Variants in AP1G2 observed in about 807,000 individuals in gnomAD.
AP1G2 encodes the protein AP-1 complex subunit gamma-like 2.
Under a neutral mutation model 95.8 loss-of-function variants are expected in AP1G2, and 85 were observed. The observed-to-expected ratio is 0.89, with a 90% CI of 0.74 to 1.06. The LOEUF is 1.06. Among genes scored for constraint, AP1G2 ranks in the 50% least tolerant of loss-of-function variants. The probability of loss-of-function intolerance (pLI) is 0.00; values close to 1 mark genes in which losing one functional copy is unlikely to be tolerated. For synonymous variants in AP1G2, 378 were observed against 400.0 expected (o/e 0.94, Z 0.66); for missense variants, 967 against 1,005.8 (o/e 0.96, Z 0.52).
intron 19 of AP1G2, 85 bp from the exon 20 acceptor site, chr14:23,560,503 C>G (rs1883738772): frequency 7.2e-7 from 1 of 1,391,118 alleles, no homozygotes; most frequent in African/African-American, 1.4e-5. Context: ...TGAGTAAACA[C>G]CTACTGGCCC....
rs1244426180 is a variant in AP1G2, at chr14:23,567,067, C to T, written c.204+44G>A. On this transcript the variant is annotated intron_variant, in intron 2 of 21. Transcript: ENST00000397120. This position sits in a 1 kb window ranked among gnomAD's most constrained non-coding sequence, Gnocchi z 5.3. ...TGAGAGAGTCTGGGACTCTGCCCCACTAGCCTTCATCAAGCTCAGGAGGGA... is the reference window on the plus strand; with the variant it reads ...TGAGAGAGTCTGGGACTCTGCCCCATTAGCCTTCATCAAGCTCAGGAGGGA... The T allele has an allele frequency of 1.3e-6, 2 of 1,581,866 alleles. No homozygotes were observed. The highest frequency in any genetic ancestry group is 1.7e-6 in the Non-Finnish European group (2 of 1,164,934).
chr14:23,567,328 G>C lies in AP1G2; in HGVS notation c.-5-9C>G. The stretch of plus-strand genomic sequence containing the variant: ...AGGCACCACCATCCTGACTGGCAGA[G>C]TCCGGGAGTGGAGAAACACTCTCTG... On this transcript the variant is annotated splice_polypyrimidine_tract_variant and intron_variant, in intron 1 of 21. Transcript: ENST00000397120. This position sits in a 1 kb window ranked among gnomAD's most constrained non-coding sequence, Gnocchi z 5.3. 6.2e-7 allele frequency: 1 copy of C among 1,610,440 alleles called. No homozygotes were observed. Among genetic ancestry groups the C allele is most frequent in the Non-Finnish European group, 8.5e-7 (1 of 1,179,182 alleles).
chr14:23,561,578 CTCA>C lies in AP1G2; in HGVS notation c.1788_1790del (p.Asp596del), dbSNP rs777322413. ...CTGCTTCTTTGCTTTCCTTTGCTTC[CTCA>C]TCAGCCTGAGGGCCATCTCGCTCCA... On this transcript the variant is annotated inframe_deletion, in exon 18 of 22. Transcript: ENST00000397120. The C allele has an allele frequency of 6.2e-7, 1 of 1,614,162 alleles. No homozygotes were observed. Among genetic ancestry groups the C allele is most frequent in the Non-Finnish European group, 8.5e-7 (1 of 1,180,024 alleles).
Position 23,559,642 on chromosome 14 carries a change from C to T in AP1G2, c.*107G>A. 2 of 1,022,062 alleles carry T rather than the reference C, an allele frequency of 2.0e-6. No homozygotes were observed. Among genetic ancestry groups the T allele is most frequent in the South Asian group, 1.4e-5 (1 of 71,888 alleles). The allele number at this position is 1,022,062 out of a possible 1,614,324, so 63.3% of individuals were successfully genotyped here. ...GGGCTGGTCCCCAGTTTTTGCAGTG[C>T]AAAGCCAGAGCGCCACCTGCTGGTA... On this transcript the variant is annotated 3_prime_UTR_variant, in exon 22 of 22. Transcript: ENST00000397120.
Position 23,566,072 on chromosome 14 carries a change from C to G in AP1G2, c.560G>C (p.Arg187Pro). 2 of 1,614,162 alleles carry G rather than the reference C, an allele frequency of 1.2e-6. No individual in the cohort carries two copies. Among genetic ancestry groups the G allele is most frequent in the Non-Finnish European group, 1.7e-6 (2 of 1,180,026 alleles). Residue 187 changes from arginine to proline, a missense_variant, in exon 5 of 22, where the codon CGT (arginine) becomes CCT (proline). Coordinates refer to ENST00000397120, the MANE Select transcript of AP1G2 (RefSeq NM_003917.5). Reference sequence around the variant, plus strand: ...GGGCCCCACAGCCTTACCATGGTGACGCTCATGAAGCAGTTGGGCACAGGG... The same window carrying G: ...GGGCCCCACAGCCTTACCATGGTGAGGCTCATGAAGCAGTTGGGCACAGGG... ...LPPCAQLLHE[R>P]HHGILLGTIT...
chr14:23,563,804 T>C lies in AP1G2; in HGVS notation c.1144A>G (p.Met382Val), dbSNP rs764122397. The C allele has an allele frequency of 1.2e-6, 2 of 1,614,162 alleles. No homozygotes were observed. The highest frequency in any genetic ancestry group is 8.5e-7 in the Non-Finnish European group (1 of 1,180,012). ...AGAAAGGCCTGCAGCTCTTGCATCA[T>C]GGCTCGCACATTGGAGCTATTTACC... is the stretch of plus-strand genomic sequence containing the variant. Reference protein sequence around the residue: ...ALVNSSNVRAMMQELQAFLES... With the variant: ...ALVNSSNVRAVMQELQAFLES... Residue 382 changes from methionine (M) to valine (V), a missense_variant, in exon 12 of 22, where the codon ATG becomes GTG. Coordinates refer to ENST00000397120, the MANE Select transcript of AP1G2 (RefSeq NM_003917.5).
At position 23,563,921 on chromosome 14, in the gene AP1G2, C is replaced by T. The variant is rs1038175292; in HGVS notation, c.1092-65G>A. The T allele has an allele frequency of 5.6e-6, 9 of 1,600,484 alleles. No homozygotes were observed. The African/African-American group carries it at 1.2e-4, about 21-fold the overall frequency. Reference sequence around the variant, plus strand: ...CATCCTGGTCCATGCCTCAGGCCCTCTGCTTCCCCAGGGACCTGTCCCCCT... The same window carrying T: ...CATCCTGGTCCATGCCTCAGGCCCTTTGCTTCCCCAGGGACCTGTCCCCCT... On this transcript the variant is annotated intron_variant, in intron 11 of 21. Coordinates refer to ENST00000397120, the MANE Select transcript of AP1G2 (RefSeq NM_003917.5).
At chr14:23,562,709 C>G in intron 14 of AP1G2, 116 bp from the exon 15 acceptor site, 1 of 984,108 alleles carries the variant, frequency 1.0e-6, no homozygotes, top group Non-Finnish European at 1.5e-6. Flanking sequence ...TCAAGACCAG[C>G]CTGGGCAACA....
rs1414269713 is a variant in AP1G2, at chr14:23,559,687, A to G, written c.*62T>C. The stretch of plus-strand genomic sequence containing the variant: ...CTGGTAGCCCTCAGGTGTAGGTTCG[A>G]AGCTGCTGGGGCCCCCTGGGGTTTG... On this transcript the variant is annotated 3_prime_UTR_variant, in exon 22 of 22. Transcript: ENST00000397120. 33 of 1,527,136 alleles carry G rather than the reference A, an allele frequency of 2.2e-5. No individual in the cohort carries two copies. Among genetic ancestry groups the G allele is most frequent in the Non-Finnish European group, 2.9e-5 (32 of 1,109,330 alleles). The allele number at this position is 1,527,136 out of a possible 1,614,324, so 94.6% of individuals were successfully genotyped here.
chr14:23,562,734 C>G (rs1014575218), intron 14 of AP1G2, 141 bp from the exon 15 acceptor site: 6 of 742,222 alleles, frequency 8.1e-6, no homozygotes, highest in South Asian at 1.9e-5. Context: ...GAGACCCCCC[C>G]CATCTCTATT....
chr14:23,567,510 G>A lies in AP1G2; in HGVS notation c.-5-191C>T, dbSNP rs1888651844. The stretch of plus-strand genomic sequence containing the variant: ...CCCCACCGCCCGAGAAGCCCACTAC[G>A]CATGCGTCCGCACCCCACCGGCGCC... On this transcript the variant is annotated intron_variant, in intron 1 of 21. Coordinates refer to ENST00000397120, the MANE Select transcript of AP1G2 (RefSeq NM_003917.5). This position sits in a 1 kb window ranked among gnomAD's most constrained non-coding sequence, Gnocchi z 5.3. 5 of 1,377,698 alleles carry A rather than the reference G, an allele frequency of 3.6e-6. No homozygotes were observed. The South Asian group carries it at 7.0e-5, about 19-fold the overall frequency. The allele number at this position is 1,377,698 out of a possible 1,614,324, so 85.3% of individuals were successfully genotyped here. A position where few individuals can be genotyped will look rare whatever the true frequency, so the allele number is the denominator to read the frequency against.
At chr14:23,563,883 A>C (rs1886381885) in intron 11 of AP1G2, 27 bp from the exon 12 acceptor site, 8 of 1,609,510 alleles carry the variant, frequency 5.0e-6, no homozygotes, top group African/African-American at 2.7e-5. Flanking sequence ...GTTTCCATGC[A>C]GGTAGCCCAG....
chr14:23,563,414 C>T lies in AP1G2; in HGVS notation c.1376G>A (p.Arg459His), dbSNP rs747117877. ...AQELHAYSVRRLYNALAEDIS... is the reference protein window; with the variant it reads ...AQELHAYSVRHLYNALAEDIS... ...GTCTTCTGCCAGGGCATTGTAGAGG[C>T]GGCGCACAGAGTAGGCATGTAGCTC... The change falls in exon 14 of 22, where the codon CGC becomes CAC. Residue 459 changes from arginine to histidine, a missense_variant. Arg to His is a conservative substitution (Grantham distance 29). Transcript: ENST00000397120. 3.7e-6 allele frequency: 6 copies of T among 1,607,836 alleles called. No homozygotes were observed. Among genetic ancestry groups the T allele is most frequent in the African/African-American group, 2.7e-5 (2 of 74,732 alleles).
rs747633978 is a variant in AP1G2 at position 23,562,345 on chromosome 14, C to G, written c.1571G>C (p.Arg524Pro). 1 of 1,614,192 alleles carries G rather than the reference C, an allele frequency of 6.2e-7. No homozygotes were observed. The highest frequency in any genetic ancestry group is 8.5e-7 in the Non-Finnish European group (1 of 1,180,020). ...LQSHMSLPAT[R>P]GYALTALMKL... Reference sequence around the variant, plus strand: ...CATGAGGGCTGTGAGGGCATATCCTCGAGTGGCTGGCAGGGACATGTGGGA... The same window carrying G: ...CATGAGGGCTGTGAGGGCATATCCTGGAGTGGCTGGCAGGGACATGTGGGA... Residue 524 changes from arginine to proline, a missense_variant, in exon 16 of 22, where the codon CGA (arginine) becomes CCA (proline). Coordinates refer to ENST00000397120, the MANE Select transcript of AP1G2 (RefSeq NM_003917.5).
At chr14:23,565,513 A>T in intron 7 of AP1G2, 93 bp downstream of exon 7, 1 of 1,139,112 alleles carries the variant, frequency 8.8e-7, no homozygotes, top group Non-Finnish European at 1.3e-6. Flanking sequence ...GGACACTGAG[A>T]GAACCAGTGT....
chr14:23,562,914 G>T, intron 14 of AP1G2: 1 of 557,612 alleles, frequency 1.8e-6, no homozygotes, highest in Non-Finnish European at 2.8e-6. Flanking sequence ...CTGCCCTCTG[G>T]TGGCCAAGCA....
Position 23,563,369 on chromosome 14 carries a change from G to C in AP1G2, c.1410+11C>G. 6.3e-7 allele frequency: 1 copy of C among 1,579,454 alleles called. No individual in the cohort carries two copies. Among genetic ancestry groups the C allele is most frequent in the Non-Finnish European group, 8.6e-7 (1 of 1,163,374 alleles). On this transcript the variant is annotated intron_variant, in intron 14 of 21. Coordinates refer to ENST00000397120, the MANE Select transcript of AP1G2 (RefSeq NM_003917.5). ...TGGGCAGCCCTGGGCCTAGGTAGGT[G>C]GGAATGGTACCTGGGAAATGTCTTC...
chr14:23,561,522 G>T lies in AP1G2; in HGVS notation c.1847C>A (p.Thr616Lys). 1 of 1,614,206 alleles carries T rather than the reference G, an allele frequency of 6.2e-7. No homozygotes were observed. The highest frequency in any genetic ancestry group is 8.5e-7 in the Non-Finnish European group (1 of 1,180,034). The change falls in exon 18 of 22, where the codon ACA becomes AAA. Residue 616 changes from threonine to lysine, a missense_variant. Physicochemically the swap from Thr to Lys is moderately conservative, Grantham distance 78 (BLOSUM62 -1). Transcript: ENST00000397120. ...AQLSEAAPVP[T>K]EPQASQLLDL... ...TTCTAGCCTTCTCACCTGGGGCTCT[G>T]TGGGCACTGGGGCTGCTTCTGAAAG...
Position 23,563,509 on chromosome 14 carries a change from G to T in AP1G2, c.1288-7C>A, listed in dbSNP as rs778617867. 1.2e-6 allele frequency: 2 copies of T among 1,614,232 alleles called. No individual in the cohort carries two copies. The highest frequency in any genetic ancestry group is 1.7e-6 in the Non-Finnish European group (2 of 1,180,026). On this transcript the variant is annotated splice_polypyrimidine_tract_variant and splice_region_variant and intron_variant, in intron 13 of 21. Coordinates refer to ENST00000397120, the MANE Select transcript of AP1G2 (RefSeq NM_003917.5). ...CCCGCACATGGGTGCCCGCCTGGAA[G>T]GTGTGGGCATGGCCAAGTCAGTGTG...
Sources: gnomAD v4.1 joint callset for allele counts on GRCh38, gnomAD v4.1.1 for gene constraint, Gnocchi (gnomAD v3.1) non-coding constraint, MANE v1.5 for transcripts, NCBI Gene and HGNC (gene_info 2026-07-23, HGNC 2026-07-21) for gene names.